Variants in SHANK2 observed in about 807,000 individuals in gnomAD.
SHANK2 encodes SH3 and multiple ankyrin repeat domains protein 2.
SHANK2 carries 43 observed loss-of-function variants against 133.7 expected under a neutral mutation model. That is an observed-to-expected ratio of 0.32 (90% CI 0.25 to 0.41). The LOEUF is 0.41. SHANK2 is among the 10% of genes least tolerant of loss of function. The pLI is 1.00. For synonymous variants in SHANK2, 1,017 were observed against 952.8 expected, an observed-to-expected ratio of 1.07 and a Z score of -1.24; for missense variants, 1,994 against 2,235.8, an observed-to-expected ratio of 0.89 and a Z score of 2.18.
chr11:71,135,262 C>G (rs1393272803), intron 3 of SHANK2, among the ~76,000 whole-genome samples: 1 of 152,164 alleles, frequency 6.6e-6, no homozygotes, highest in African/African-American at 2.4e-5. Flanking sequence ...AGCATTCACT[C>G]GGTTGTACCG....
chr11:70,867,393 AG>A (rs1949382723), intron 11 of SHANK2, among the ~76,000 whole-genome samples: 1 of 152,238 alleles, frequency 6.6e-6, no homozygotes, highest in Non-Finnish European at 1.5e-5. Context: ...GGATCAGGCC[AG>A]GACTCCACCA....
intron 14 of SHANK2, among the ~76,000 whole-genome samples, chr11:70,726,811 T>C (rs1946189959): frequency 6.6e-6 from 1 of 152,224 alleles, no homozygotes; most frequent in African/African-American, 2.4e-5. Context: ...ATTGACCAGT[T>C]CTGAGTCTAG....
chr11:71,138,987 G>A (rs10792492), intron 3 of SHANK2, among the ~76,000 whole-genome samples: 62,653 of 151,794 alleles, frequency 0.41, 13,737 homozygotes, highest in East Asian at 0.54. Flanking sequence ...CTGTACAGGC[G>A]GGGAGAGAGG....
At chr11:71,069,983 T>C (rs1951121959) in intron 9 of SHANK2, among the ~76,000 whole-genome samples, 1 of 152,198 alleles carries the variant, frequency 6.6e-6, no homozygotes, top group African/African-American at 2.4e-5. Flanking sequence ...ACATGCCTCA[T>C]ACATGTGTAG....
rs59607229 is a variant in SHANK2, at chr11:70,897,961, C to CT, written c.1108-1395dup. Among the ~76,000 whole-genome samples the CT allele has an allele frequency of 2.0e-4, 30 of 146,386 alleles. No homozygotes were observed. The East Asian group carries it at 3.6e-3, about 18-fold the overall frequency. ...ACATATACACACACACACACACACA[C>CT]TTTTTTTTTTCTTTTTTTTTTGGCA... On this transcript the variant is annotated intron_variant, in intron 10 of 25. Transcript: ENST00000601538.
At chr11:70,630,821 T>C (rs1007392925) in intron 17 of SHANK2, among the ~76,000 whole-genome samples, 1 of 152,176 alleles carries the variant, frequency 6.6e-6, no homozygotes, top group South Asian at 2.1e-4. Flanking sequence ...GAGACACTTC[T>C]GTTGTTCAAG....
intron 2 of SHANK2, among the ~76,000 whole-genome samples, chr11:71,208,423 C>A (rs1306435090): frequency 3.9e-5 from 6 of 152,136 alleles, no homozygotes; most frequent in African/African-American, 1.4e-4. Context: ...ATCTCAACCC[C>A]ATAAACCCTA....
chr11:71,234,244 C>T (rs1456823732), intron 1 of SHANK2, among the ~76,000 whole-genome samples: 2 of 143,710 alleles, frequency 1.4e-5, no homozygotes, highest in African/African-American at 5.2e-5. Flanking sequence ...TGCCTGTAAT[C>T]CCAGCTACTC....
At chr11:70,854,778 G>C (rs1449666742) in intron 11 of SHANK2, among the ~76,000 whole-genome samples, 2 of 152,218 alleles carry the variant, frequency 1.3e-5, no homozygotes, top group East Asian at 3.8e-4. Context: ...GGCACCACAG[G>C]GGGCAAAGCT....
intron 11 of SHANK2, among the ~76,000 whole-genome samples, chr11:70,876,109 TCA>T (rs1949556728): frequency 6.7e-6 from 1 of 149,300 alleles, no homozygotes; most frequent in African/African-American, 2.5e-5. Context: ...TGAGCCGAGA[TCA>T]CACCATTGCA....
chr11:70,798,822 G>A (rs928563529), intron 13 of SHANK2, among the ~76,000 whole-genome samples: 1 of 152,168 alleles, frequency 6.6e-6, no homozygotes, highest in African/African-American at 2.4e-5. Context: ...GCATCTTTAC[G>A]TATCTGACAC....
intron 11 of SHANK2, among the ~76,000 whole-genome samples, chr11:70,894,346 C>T (rs960310754): frequency 6.6e-6 from 1 of 152,136 alleles, no homozygotes; most frequent in Non-Finnish European, 1.5e-5. Context: ...TGCCACCACA[C>T]CCAGCTAATT....
intron 2 of SHANK2, among the ~76,000 whole-genome samples, chr11:71,155,039 G>T (rs1156571124): frequency 3.3e-5 from 4 of 119,714 alleles, no homozygotes; most frequent in Non-Finnish European, 5.1e-5. Flanking sequence ...CCCAGCCCAC[G>T]CTCCCAGAGA....
At chr11:70,720,624 C>T (rs551284866) in intron 14 of SHANK2, among the ~76,000 whole-genome samples, 81 of 152,346 alleles carry the variant, frequency 5.3e-4, no homozygotes, top group Admixed American at 1.3e-3. Flanking sequence ...GAGTTGTTTA[C>T]GCTGTTCTTG....
At chr11:70,546,097 A>ATT (rs57144719) in intron 17 of SHANK2, among the ~76,000 whole-genome samples, 9,838 of 136,392 alleles carry the variant, frequency 0.072, 478 homozygotes, top group East Asian at 0.15. Context: ...TATTTATTTA[A>ATT]TTTTTTTTTT....
Position 70,798,023 on chromosome 11 carries a change from C to T in SHANK2, c.1777+420G>A, listed in dbSNP as rs551228235. On this transcript the variant is annotated intron_variant, in intron 14 of 25. Transcript: ENST00000601538. ...TTCCCGTCGGAACACTGAACTCTTTCGAGCAGTTTTTACGGAGGCGTTTGC... is the reference window on the plus strand; with the variant it reads ...TTCCCGTCGGAACACTGAACTCTTTTGAGCAGTTTTTACGGAGGCGTTTGC... Among the ~76,000 whole-genome samples, 16 of 152,272 alleles carry T rather than the reference C, an allele frequency of 1.1e-4. No individual in the cohort carries two copies. The South Asian group carries it at 2.7e-3, about 26-fold the overall frequency.
At chr11:70,516,580 C>A (rs962996141) in intron 17 of SHANK2, among the ~76,000 whole-genome samples, 21 of 152,272 alleles carry the variant, frequency 1.4e-4, no homozygotes, top group African/African-American at 5.1e-4. Context: ...ACACCAAAAG[C>A]ATAATCTATA....
intron 10 of SHANK2, among the ~76,000 whole-genome samples, chr11:70,932,387 G>A (rs1950515510): frequency 6.6e-6 from 1 of 152,240 alleles, no homozygotes. Flanking sequence ...GACCCCCTCC[G>A]CAGCAGAAGC....
At chr11:70,721,576 G>C (rs1555029182) in intron 14 of SHANK2, among the ~76,000 whole-genome samples, 1 of 152,178 alleles carries the variant, frequency 6.6e-6, no homozygotes. Context: ...ACCACTTTGT[G>C]AGCAGCGTTC....
Sources: gnomAD v4.1 joint callset for allele counts (sites outside exome capture counted in the v4.1 genomes callset) on GRCh38, gnomAD v4.1.1 for gene constraint, MANE v1.5 for transcripts, NCBI Gene and HGNC (gene_info 2026-07-23, HGNC 2026-07-21) for gene names.